ATXN1: variants seen among roughly 807,000 people sequenced by gnomAD.
ATXN1 encodes the protein ataxin-1.
In ATXN1, 8 loss-of-function variants were observed where a neutral mutation model predicts 56.4. That is an observed-to-expected ratio of 0.14 (90% CI 0.08 to 0.26). The LOEUF is 0.26. Among genes scored for constraint, ATXN1 ranks in the 10% least tolerant of loss-of-function variants. The pLI is 1.00. For missense variants in ATXN1, 987 were observed against 1,106.5 expected (o/e 0.89, Z 1.53); for synonymous variants, 514 against 494.6 (o/e 1.04, Z -0.52).
At chr6:16,526,041 C>CTATATATATATA (rs71769107) in intron 4 of ATXN1, among the ~76,000 whole-genome samples, 17 of 127,106 alleles carry the variant, frequency 1.3e-4, no homozygotes, top group African/African-American at 1.9e-4. Context: ...AGAAATAAAT[C>CTATATATATATA]TATATATATA....
intron 6 of ATXN1, among the ~76,000 whole-genome samples, chr6:16,387,556 C>T (rs545010053): frequency 6.6e-6 from 1 of 152,252 alleles, no homozygotes; most frequent in African/African-American, 2.4e-5. Context: ...ATTCTGAATC[C>T]TTAAAACAAC....
chr6:16,701,376 G>A (rs1759279762), intron 2 of ATXN1, among the ~76,000 whole-genome samples: 1 of 152,144 alleles, frequency 6.6e-6, no homozygotes. Context: ...CTATAAACGG[G>A]GCAGAGAAGG....
chr6:16,368,169 C>CAA (rs58374104), intron 6 of ATXN1, among the ~76,000 whole-genome samples: 16 of 131,776 alleles, frequency 1.2e-4, no homozygotes, highest in African/African-American at 3.6e-4. Flanking sequence ...GAATCTGTCT[C>CAA]AAAAAAAAAA....
Position 16,327,633 on chromosome 6 carries a change from G to GTGGTGC in ATXN1, c.677_678insGCACCA (p.Gln225_His226insGlnHis), listed in dbSNP as rs769091061. On this transcript the variant is annotated inframe_insertion, in exon 7 of 8. Transcript: ENST00000436367. ...TGATGAGCCCCGGAGCCCTGCTGAG[G>GTGGTGC]TGCTGCTGCTGCTGCTGCTGCTGCT... is the stretch of plus-strand genomic sequence containing the variant. The GTGGTGC allele has an allele frequency of 2.3e-5, 34 of 1,451,588 alleles. No individual in the cohort carries two copies. Among genetic ancestry groups the GTGGTGC allele is most frequent in the African/African-American group, 1.7e-4 (12 of 69,768 alleles). The allele number at this position is 1,451,588 out of a possible 1,614,324, so 89.9% of individuals were successfully genotyped here.
intron 2 of ATXN1, chr6:16,666,554 G>A (rs59543599): frequency 0.019 from 2,842 of 153,538 alleles, 32 homozygotes; most frequent in African/African-American, 0.028. Flanking sequence ...TCACCAGGCT[G>A]GAGTGTAGTA....
intron 4 of ATXN1, among the ~76,000 whole-genome samples, chr6:16,551,394 G>A (rs559995131): frequency 6.8e-6 from 1 of 147,620 alleles, no homozygotes; most frequent in South Asian, 2.2e-4. Context: ...ATTCCAGAAG[G>A]AAGTGGAATC....
intron 6 of ATXN1, among the ~76,000 whole-genome samples, chr6:16,425,143 G>A (rs1003750787): frequency 6.6e-6 from 1 of 152,162 alleles, no homozygotes; most frequent in Non-Finnish European, 1.5e-5. Context: ...AAAGTGCACA[G>A]ATGCCTGATT....
intron 2 of ATXN1, among the ~76,000 whole-genome samples, chr6:16,671,784 G>A (rs1313217441): frequency 6.6e-6 from 1 of 152,124 alleles, no homozygotes; most frequent in East Asian, 1.9e-4. Flanking sequence ...ATACGAATAT[G>A]GTTGAATATG....
chr6:16,462,802 TCAAGCCC>T (rs1440417308), intron 6 of ATXN1, among the ~76,000 whole-genome samples: 1 of 152,056 alleles, frequency 6.6e-6, no homozygotes, highest in Non-Finnish European at 1.5e-5. Flanking sequence ...CTCTCCAACT[TCAAGCCC>T]CAAATGATCA....
rs1214777986 is a variant in ATXN1, at chr6:16,760,507, G to A, written c.-730+791C>T. ...CAGGGCCGTCACCGCCACTCCAGCCGCGCTCCAGGCACCCGCACACCCGCT... is the reference window on the plus strand; with the variant it reads ...CAGGGCCGTCACCGCCACTCCAGCCACGCTCCAGGCACCCGCACACCCGCT... On this transcript the variant is annotated intron_variant, in intron 1 of 7. Coordinates refer to ENST00000436367, the MANE Select transcript of ATXN1 (RefSeq NM_001128164.2). This position sits in a 1 kb window ranked among gnomAD's most constrained non-coding sequence, Gnocchi z 5.3. 1.7e-4 allele frequency among the ~76,000 whole-genome samples: 26 copies of A among 150,848 alleles called. No individual in the cohort carries two copies. Among genetic ancestry groups the A allele is most frequent in the Admixed American group, 1.5e-3 (23 of 15,136 alleles).
intron 6 of ATXN1, among the ~76,000 whole-genome samples, chr6:16,339,150 C>T (rs948294243): frequency 6.6e-6 from 1 of 152,212 alleles, no homozygotes. Context: ...CACACACTCA[C>T]GAGCTTCACC....
chr6:16,463,374 C>T (rs1760038890), intron 6 of ATXN1, among the ~76,000 whole-genome samples: 1 of 152,172 alleles, frequency 6.6e-6, no homozygotes, highest in Admixed American at 6.5e-5. Flanking sequence ...AAGCTCAGGT[C>T]CGTCAGTACA....
intron 2 of ATXN1, among the ~76,000 whole-genome samples, chr6:16,665,962 T>A (rs1354124408): frequency 6.6e-6 from 1 of 152,238 alleles, no homozygotes; most frequent in Non-Finnish European, 1.5e-5. Context: ...GGGATACCCA[T>A]CACTTCATTT....
intron 7 of ATXN1, among the ~76,000 whole-genome samples, chr6:16,318,155 T>C (rs946818997): frequency 5.3e-5 from 8 of 152,178 alleles, no homozygotes; most frequent in African/African-American, 1.4e-4. Flanking sequence ...AAAAACAAGA[T>C]AGAAAGAAAA....
rs144269957 is a variant in ATXN1, at chr6:16,389,209, C to T, written c.-160-60739G>A. 5.0e-3 allele frequency among the ~76,000 whole-genome samples: 767 copies of T among 152,182 alleles called. 3 individuals are homozygous for T. Among genetic ancestry groups the T allele is most frequent in the African/African-American group, 0.017 (710 of 41,530 alleles). ...AAAATTAGCCGGGCGTGGTGGCACG[C>T]GCCTGTCATCTCAGCTACTCGGGAG... On this transcript the variant is annotated intron_variant, in intron 6 of 7. Transcript: ENST00000436367.
chr6:16,347,288 G>A (rs1761436163), intron 6 of ATXN1, among the ~76,000 whole-genome samples: 1 of 152,242 alleles, frequency 6.6e-6, no homozygotes, highest in Admixed American at 6.5e-5. Context: ...GGTGAAGCCA[G>A]CTGGGCTCCT....
At chr6:16,394,040 A>G (rs1429274089) in intron 6 of ATXN1, among the ~76,000 whole-genome samples, 1 of 152,070 alleles carries the variant, frequency 6.6e-6, no homozygotes, top group Non-Finnish European at 1.5e-5. Context: ...CACATCTAGG[A>G]GTAAGTTAAC....
intron 3 of ATXN1, chr6:16,653,135 T>C (rs962061536): frequency 2.6e-5 from 4 of 152,248 alleles, no homozygotes; most frequent in African/African-American, 4.8e-5. Flanking sequence ...TTCTGTGAGT[T>C]CTTCTGTTTG....
intron 6 of ATXN1, among the ~76,000 whole-genome samples, chr6:16,460,398 G>A (rs189408200): frequency 1.1e-4 from 17 of 152,256 alleles, no homozygotes; most frequent in Middle Eastern, 3.4e-3. Context: ...CACTGTTTAC[G>A]GGTAGTTGTG....
Sources: gnomAD v4.1 joint callset for allele counts (sites outside exome capture counted in the v4.1 genomes callset) on GRCh38, gnomAD v4.1.1 for gene constraint, Gnocchi (gnomAD v3.1) non-coding constraint, MANE v1.5 for transcripts, NCBI Gene and HGNC (gene_info 2026-07-23, HGNC 2026-07-21) for gene names.